Variants in MBOAT1 observed in about 807,000 individuals in gnomAD.
MBOAT1 encodes membrane-bound glycerophospholipid O-acyltransferase 1.
MBOAT1 carries 67 observed loss-of-function variants against 64.4 expected under a neutral mutation model. That is an observed-to-expected ratio of 1.04 (90% CI 0.85 to 1.27). The LOEUF (loss-of-function observed/expected upper bound fraction) is 1.27. Among genes scored for constraint, MBOAT1 ranks in the 50% most tolerant of loss-of-function variants. MBOAT1 has a pLI of 0.00. For missense variants in MBOAT1, 563 were observed against 604.6 expected (o/e 0.93, Z 0.72); for synonymous variants, 229 against 218.9 (o/e 1.05, Z -0.41).
intron 9 of MBOAT1, 71 bp downstream of exon 9, chr6:20,118,366 G>A: frequency 8.1e-7 from 1 of 1,230,028 alleles, no homozygotes; most frequent in Non-Finnish European, 1.2e-6. Flanking sequence ...AAGCATTCTG[G>A]GGATACAACA....
In MBOAT1 at chr6:20,176,436, C is replaced by T. The variant is rs546503529; in HGVS notation, c.100-23667G>A. ...TGGCTATGAGCACAGGATCTGGAGC[C>T]TGTATGGATCCAAACCTGAGGTCCA... On this transcript the variant is annotated intron_variant, in intron 1 of 12. Coordinates refer to ENST00000324607, the MANE Select transcript of MBOAT1 (RefSeq NM_001080480.3). Among the ~76,000 whole-genome samples the T allele has an allele frequency of 3.9e-5, 6 of 152,272 alleles. No individual in the cohort carries two copies. In the South Asian group the frequency reaches 1.2e-3, roughly 32 times the overall value.
chr6:20,116,787 T>C (rs1233076115), intron 9 of MBOAT1, among the ~76,000 whole-genome samples: 6 of 152,352 alleles, frequency 3.9e-5, no homozygotes, highest in East Asian at 1.9e-4. Flanking sequence ...CTTAGTCCTT[T>C]ACCCTGAAGA....
chr6:20,124,262 G>T, intron 8 of MBOAT1, 146 bp downstream of exon 8: 1 of 687,640 alleles, frequency 1.5e-6, no homozygotes, highest in Non-Finnish European at 2.4e-6. Flanking sequence ...GTGCTATGTT[G>T]GTACGTTAAA....
intron 1 of MBOAT1, among the ~76,000 whole-genome samples, chr6:20,179,780 G>A (rs925027582): frequency 2.6e-5 from 4 of 152,172 alleles, no homozygotes; most frequent in South Asian, 2.1e-4. Context: ...CCTACCAACA[G>A]TGTAAAAGTG....
intron 9 of MBOAT1, among the ~76,000 whole-genome samples, chr6:20,117,718 A>G (rs1322002885): frequency 3.3e-5 from 5 of 152,172 alleles, no homozygotes; most frequent in African/African-American, 4.8e-5. Flanking sequence ...ACCAAAACCA[A>G]CAGCAAACAT....
At chr6:20,129,122 G>A (rs1320178356) in intron 5 of MBOAT1, among the ~76,000 whole-genome samples, 1 of 152,132 alleles carries the variant, frequency 6.6e-6, no homozygotes, top group East Asian at 1.9e-4. Flanking sequence ...CCTTTCACAG[G>A]CTGCCACAGC....
chr6:20,134,404 T>C (rs1369637237), intron 4 of MBOAT1, among the ~76,000 whole-genome samples: 1 of 151,618 alleles, frequency 6.6e-6, no homozygotes, highest in Non-Finnish European at 1.5e-5. Context: ...AAGCTATGGG[T>C]AAAATGTTGT....
chr6:20,172,623 G>C (rs1762230963), intron 1 of MBOAT1, among the ~76,000 whole-genome samples: 1 of 151,892 alleles, frequency 6.6e-6, no homozygotes, highest in South Asian at 2.1e-4. Flanking sequence ...CCCTGTTTTT[G>C]TGTGCTTAAG....
chr6:20,124,327 A>C, intron 8 of MBOAT1, 81 bp downstream of exon 8: 2 of 1,427,078 alleles, frequency 1.4e-6, no homozygotes, highest in Non-Finnish European at 1.9e-6. Flanking sequence ...TGATGAAGTG[A>C]TCCAAAACGT....
intron 4 of MBOAT1, among the ~76,000 whole-genome samples, chr6:20,138,672 C>T (rs1486875036): frequency 6.6e-6 from 1 of 152,138 alleles, no homozygotes; most frequent in African/African-American, 2.4e-5. Context: ...GAGATGCAGA[C>T]GGTAGAGGCA....
At chr6:20,127,159 G>GA (rs1485186909) in intron 6 of MBOAT1, among the ~76,000 whole-genome samples, 1 of 152,190 alleles carries the variant, frequency 6.6e-6, no homozygotes, top group African/African-American at 2.4e-5. Context: ...AGTTTCCACT[G>GA]AAAGAGGCCA....
At position 20,123,070 on chromosome 6, in the gene MBOAT1, T is replaced by C. The variant is rs1197933815; in HGVS notation, c.907+1338A>G. 2.0e-5 allele frequency among the ~76,000 whole-genome samples: 3 copies of C among 152,058 alleles called. No homozygotes were observed. The East Asian group carries it at 5.8e-4, about 29-fold the overall frequency. ...GTCTTGAACTCCTGGCCTGAAGTGA[T>C]TCGCCAGCCTTAGCCTCCCAAAGTG... On this transcript the variant is annotated intron_variant, in intron 8 of 12. Coordinates refer to ENST00000324607, the MANE Select transcript of MBOAT1 (RefSeq NM_001080480.3).
At chr6:20,151,115 T>C (rs1220717940) in intron 3 of MBOAT1, 70 bp downstream of exon 3, 17 of 1,153,922 alleles carry the variant, frequency 1.5e-5, no homozygotes, top group Admixed American at 1.8e-5. Flanking sequence ...ATCTTTACAC[T>C]GGAAATATAT....
chr6:20,141,359 CTTTTTTTTT>C (rs755615744), intron 4 of MBOAT1, among the ~76,000 whole-genome samples: 1,486 of 99,846 alleles, frequency 0.015, 28 homozygotes, highest in African/African-American at 0.044. Context: ...TTTTCTTTTT[CTTTTTTTTT>C]TTTTTTTTTT....
chr6:20,127,550 G>T (rs1760696079), intron 6 of MBOAT1, among the ~76,000 whole-genome samples: 1 of 152,106 alleles, frequency 6.6e-6, no homozygotes, highest in African/African-American at 2.4e-5. Flanking sequence ...TGTCAGATCA[G>T]CAGCGGCATT....
chr6:20,150,092 G>T (rs1761446218), intron 3 of MBOAT1, among the ~76,000 whole-genome samples: 1 of 152,086 alleles, frequency 6.6e-6, no homozygotes, highest in Non-Finnish European at 1.5e-5. Context: ...AGCTAATCCT[G>T]AGTTTTCAGA....
intron 1 of MBOAT1, among the ~76,000 whole-genome samples, chr6:20,211,343 A>T (rs1159721887): frequency 6.6e-6 from 1 of 152,238 alleles, no homozygotes; most frequent in Non-Finnish European, 1.5e-5. Flanking sequence ...TATTTAAATC[A>T]ACATTTACTG....
intron 12 of MBOAT1, among the ~76,000 whole-genome samples, chr6:20,106,960 AC>A (rs548500863): frequency 2.0e-5 from 3 of 152,352 alleles, no homozygotes; most frequent in African/African-American, 7.2e-5. Flanking sequence ...GTTCCTGCCT[AC>A]GCCTAGTTGT....
intron 1 of MBOAT1, among the ~76,000 whole-genome samples, chr6:20,210,985 T>C (rs1763401265): frequency 6.6e-6 from 1 of 152,170 alleles, no homozygotes; most frequent in South Asian, 2.1e-4. Flanking sequence ...TAAAGAGTAA[T>C]TTACAAAAGC....
Sources: gnomAD v4.1 joint callset for allele counts (sites outside exome capture counted in the v4.1 genomes callset) on GRCh38, gnomAD v4.1.1 for gene constraint, MANE v1.5 for transcripts, NCBI Gene and HGNC (gene_info 2026-07-23, HGNC 2026-07-21) for gene names.